Variants in APC2 observed in about 807,000 individuals in gnomAD.
The protein encoded by APC2 is APC regulator of Wnt signaling pathway 2.
A neutral mutation model predicts 72.5 loss-of-function variants in APC2; 41 were observed. The observed-to-expected ratio is 0.57, with a 90% CI of 0.44 to 0.73. APC2 has a LOEUF of 0.73. Among genes scored for constraint, APC2 ranks in the 30% least tolerant of loss-of-function variants. The pLI, the probability that APC2 is intolerant of heterozygous loss-of-function variation, is 0.00. For missense variants in APC2, 3,729 were observed against 3,403.4 expected (o/e 1.10, Z -2.38); for synonymous variants, 1,898 against 1,612.0 (o/e 1.18, Z -4.25).
chr19:1,459,281 T>A lies in APC2; in HGVS notation c.1304-900T>A, dbSNP rs185248990. Reference sequence around the variant, plus strand: ...GTGCAGTGGCGCCATCTCGGCTCACTGCAACCTCTGCCTCCCGGGTTTAAG... The same window carrying A: ...GTGCAGTGGCGCCATCTCGGCTCACAGCAACCTCTGCCTCCCGGGTTTAAG... On this transcript the variant is annotated intron_variant, in intron 10 of 14. Coordinates refer to ENST00000590469, the MANE Select transcript of APC2 (RefSeq NM_005883.3). 1.0e-3 allele frequency among the ~76,000 whole-genome samples: 154 copies of A among 152,060 alleles called. 1 individual carries two copies. Among genetic ancestry groups the A allele is most frequent in the Non-Finnish European group, 1.8e-3 (123 of 67,978 alleles).
chr19:1,460,861 C>T lies in APC2; in HGVS notation c.1521+4C>T. The T allele has an allele frequency of 1.2e-6, 2 of 1,613,224 alleles. No individual in the cohort carries two copies. Among genetic ancestry groups the T allele is most frequent in the Non-Finnish European group, 1.7e-6 (2 of 1,179,942 alleles). The stretch of plus-strand genomic sequence containing the variant: ...CGACAGTGAGGAGCTCCACCAGGTA[C>T]AGGGCGGGGTGCTGGGAAAGCCTTC... On this transcript the variant is annotated splice_donor_region_variant and intron_variant, in intron 12 of 14. Coordinates refer to ENST00000590469, the MANE Select transcript of APC2 (RefSeq NM_005883.3).
chr19:1,465,844 C>T lies in APC2; in HGVS notation c.2543C>T (p.Ala848Val). Residue 848 changes from alanine to valine, a missense_variant, in exon 15 of 15, where the codon GCG becomes GTG. Coordinates refer to ENST00000590469, the MANE Select transcript of APC2 (RefSeq NM_005883.3). ...AVAAKAKAKL[A>V]LAVARIDQLV... ...GCGGCCAAGGCCAAGGCCAAGCTGG[C>T]GCTTGCAGTGGCGCGCATCGACCAG... The T allele has an allele frequency of 2.5e-6, 4 of 1,574,444 alleles. No individual in the cohort carries two copies. Among genetic ancestry groups the T allele is most frequent in the South Asian group, 1.1e-5 (1 of 87,168 alleles).
intron 9 of APC2, chr19:1,457,670 T>C: frequency 3.8e-6 from 2 of 524,374 alleles, no homozygotes; most frequent in Non-Finnish European, 3.4e-6. Flanking sequence ...TGCACTCCAG[T>C]CTGGACAACA....
Position 1,467,649 on chromosome 19 carries a change from C to A in APC2, c.4348C>A (p.Arg1450Ser), listed in dbSNP as rs753218338. Residue 1450 changes from arginine (R) to serine (S), a missense_variant, in exon 15 of 15, where the codon CGC (arginine) becomes AGC (serine). Transcript: ENST00000590469. ...GHRHKAGGAG[R>S]SAEQSRGAGK... ...CCGGCACAAGGCGGGAGGCGCCGGCCGCAGCGCGGAGCAGTCTCGGGGCGC... is the reference window on the plus strand; with the variant it reads ...CCGGCACAAGGCGGGAGGCGCCGGCAGCAGCGCGGAGCAGTCTCGGGGCGC... 2 of 1,479,988 alleles carry A rather than the reference C, an allele frequency of 1.4e-6. No homozygotes were observed. Among genetic ancestry groups the A allele is most frequent in the South Asian group, 1.3e-5 (1 of 76,566 alleles). The allele number at this position is 1,479,988 out of a possible 1,614,324, so 91.7% of individuals were successfully genotyped here. A position where few individuals can be genotyped will look rare whatever the true frequency, so the allele number is the denominator to read the frequency against.
intron 14 of APC2, among the ~76,000 whole-genome samples, chr19:1,462,888 A>G (rs1027417945): frequency 1.0e-4 from 15 of 146,860 alleles, no homozygotes; most frequent in Non-Finnish European, 1.7e-4. Flanking sequence ...GGAGAATGGC[A>G]TGAACCCGGG....
Position 1,470,055 on chromosome 19 carries a change from G to T in APC2, c.6754G>T (p.Ala2252Ser). 6.3e-7 allele frequency: 1 copy of T among 1,581,952 alleles called. No individual in the cohort carries two copies. Among genetic ancestry groups the T allele is most frequent in the East Asian group, 2.3e-5 (1 of 43,006 alleles). ...CTTCGTGCACGAGGGCCTGGGGGTCGCCGTGGGGGGCTTCCCCGCCAGCCG... is the reference window on the plus strand; with the variant it reads ...CTTCGTGCACGAGGGCCTGGGGGTCTCCGTGGGGGGCTTCCCCGCCAGCCG... ...APFVHEGLGV[A>S]VGGFPASRHG... The change falls in exon 15 of 15, where the codon GCC (alanine) becomes TCC (serine). Residue 2252 changes from alanine to serine, a missense_variant. Transcript: ENST00000590469.
chr19:1,452,801 C>T lies in APC2; in HGVS notation c.-18-183C>T, dbSNP rs920227109. ...TCACTCCACCTGCCCCTCTGCGCCC[C>T]GGATTGCCTGGCCACCACCACGTGG... On this transcript the variant is annotated intron_variant, in intron 1 of 14. Coordinates refer to ENST00000590469, the MANE Select transcript of APC2 (RefSeq NM_005883.3). This position sits in a 1 kb window ranked among gnomAD's most constrained non-coding sequence, Gnocchi z 5.1. 1.2e-5 allele frequency: 8 copies of T among 693,730 alleles called. No homozygotes were observed. The highest frequency in any genetic ancestry group is 2.8e-5 in the East Asian group (1 of 35,756). The allele number at this position is 693,730 out of a possible 1,614,324, so 43.0% of individuals were successfully genotyped here.
intron 8 of APC2, 96 bp from the exon 9 acceptor site, chr19:1,456,757 C>T (rs1351541675): frequency 6.2e-6 from 9 of 1,441,064 alleles, no homozygotes; most frequent in East Asian, 2.5e-5. Context: ...TGGGGCTGCC[C>T]TTGGGGACGG....
intron 6 of APC2, 101 bp downstream of exon 6, chr19:1,455,601 A>G: frequency 8.6e-7 from 1 of 1,158,304 alleles, no homozygotes; most frequent in East Asian, 2.6e-5. Flanking sequence ...TAATGGGAGG[A>G]GTCTTATGCC....
Position 1,450,289 on chromosome 19 carries a change from G to T in APC2, c.-68G>T. ...TGGGGCCCGCGGAGCCGCGCAGAGG[G>T]AGGAGGCCCCAGACCCAGGCGCCCC... On this transcript the variant is annotated 5_prime_UTR_variant, in exon 1 of 15. Coordinates refer to ENST00000590469, the MANE Select transcript of APC2 (RefSeq NM_005883.3). The T allele has an allele frequency of 3.0e-6, 3 of 985,480 alleles. No homozygotes were observed. The highest frequency in any genetic ancestry group is 3.6e-6 in the Non-Finnish European group (3 of 829,962). 61.0% of individuals were successfully genotyped at this position (985,480 alleles called of 1,614,324 possible).
chr19:1,464,658 G>T (rs1464651537), intron 14 of APC2, among the ~76,000 whole-genome samples: 3 of 135,816 alleles, frequency 2.2e-5, no homozygotes, highest in African/African-American at 9.5e-5. Context: ...TTTTGAGATG[G>T]ATTCTTGGTC....
chr19:1,465,131 G>C (rs2083985642), intron 14 of APC2, 24 bp from the exon 15 acceptor site: 1 of 1,581,794 alleles, frequency 6.3e-7, no homozygotes, highest in East Asian at 2.3e-5. Context: ...GGGTGGCCCA[G>C]GCTAACCCGC....
In APC2 at chr19:1,467,672, C is replaced by T; in HGVS notation, c.4371C>T (p.Gly1457=). The change falls in exon 15 of 15, where the codon GGC becomes GGT. Residue 1457 remains glycine (G), a synonymous_variant. Coordinates refer to ENST00000590469, the MANE Select transcript of APC2 (RefSeq NM_005883.3). ...GAGRSAEQSR[G]AGKNRAGLEL... ...GCCGCAGCGCGGAGCAGTCTCGGGG[C>T]GCGGGCAAGAACAGAGCAGGGCTGG... The T allele has an allele frequency of 2.0e-6, 3 of 1,479,212 alleles. No individual in the cohort carries two copies. Among genetic ancestry groups the T allele is most frequent in the Admixed American group, 2.3e-5 (1 of 43,638 alleles). The allele number at this position is 1,479,212 out of a possible 1,614,324, so 91.6% of individuals were successfully genotyped here. A position where few individuals can be genotyped will look rare whatever the true frequency, so the allele number is the denominator to read the frequency against.
chr19:1,453,406 C>G (rs780450001), intron 3 of APC2, 25 bp from the exon 4 acceptor site: 1 of 1,608,072 alleles, frequency 6.2e-7, no homozygotes, highest in Non-Finnish European at 8.5e-7. Flanking sequence ...GGCCGCTGAC[C>G]TCCGCCCTGT....
upstream of APC2, among the ~76,000 whole-genome samples, chr19:1,447,090 C>T (rs963041312): frequency 6.6e-6 from 1 of 152,204 alleles, no homozygotes; most frequent in Admixed American, 6.5e-5. Context: ...CCCATAGCGG[C>T]GGTCAGGCTT....
chr19:1,452,983 G>A lies in APC2; in HGVS notation c.-18-1G>A. The A allele has an allele frequency of 6.2e-7, 1 of 1,610,598 alleles. No homozygotes were observed. Among genetic ancestry groups the A allele is most frequent in the Non-Finnish European group, 8.5e-7 (1 of 1,179,728 alleles). ...TGAACCCTCTGACCCTGTGATCCCAGACGCTGCAGGAGCTGAAGATGGCGA... is the reference window on the plus strand; with the variant it reads ...TGAACCCTCTGACCCTGTGATCCCAAACGCTGCAGGAGCTGAAGATGGCGA... On this transcript the variant is annotated splice_acceptor_variant, in intron 1 of 14. Coordinates refer to ENST00000590469, the MANE Select transcript of APC2 (RefSeq NM_005883.3). LOFTEE classifies it low-confidence loss of function (5UTR_SPLICE). The surrounding 1 kb of genome is among the most constrained non-coding windows in gnomAD (Gnocchi z 5.1).
In APC2 at chr19:1,468,394, C is replaced by A; in HGVS notation, c.5093C>A (p.Thr1698Lys). Reference protein sequence around the residue: ...AIQEGANSIVTWLHQAAAATR... With the variant: ...AIQEGANSIVKWLHQAAAATR... ...CAGGAGGGCGCCAATTCAATTGTCA[C>A]GTGGCTGCACCAGGCAGCAGCTGCC... The change falls in exon 15 of 15, where the codon ACG becomes AAG. Residue 1698 changes from threonine (T) to lysine (K), a missense_variant. Thr to Lys is a moderately conservative substitution (Grantham distance 78, BLOSUM62 -1). Coordinates refer to ENST00000590469, the MANE Select transcript of APC2 (RefSeq NM_005883.3). 1.3e-6 allele frequency: 2 copies of A among 1,583,482 alleles called. No individual in the cohort carries two copies. The highest frequency in any genetic ancestry group is 1.7e-6 in the Non-Finnish European group (2 of 1,163,756).
chr19:1,452,504 C>T lies in APC2; in HGVS notation c.-18-480C>T, dbSNP rs987254857. The T allele has an allele frequency of 6.0e-6, 1 of 166,172 alleles. No homozygotes were observed. The highest frequency in any genetic ancestry group is 2.4e-5 in the African/African-American group (1 of 41,608). The allele number at this position is 166,172 out of a possible 1,614,324, so 10.3% of individuals were successfully genotyped here. ...CTGTCCGCCCCGCGTGTCTGGCTGTCAGCCTCTGGGCAGGCTTGCTTTTAT... is the reference window on the plus strand; with the variant it reads ...CTGTCCGCCCCGCGTGTCTGGCTGTTAGCCTCTGGGCAGGCTTGCTTTTAT... On this transcript the variant is annotated intron_variant, in intron 1 of 14. Coordinates refer to ENST00000590469, the MANE Select transcript of APC2 (RefSeq NM_005883.3). The surrounding 1 kb of genome is among the most constrained non-coding windows in gnomAD (Gnocchi z 5.1).
Position 1,455,218 on chromosome 19 carries a change from C to A in APC2, c.483C>A (p.Gly161=). 6.3e-7 allele frequency: 1 copy of A among 1,583,062 alleles called. No individual in the cohort carries two copies. Among genetic ancestry groups the A allele is most frequent in the African/African-American group, 1.4e-5 (1 of 72,422 alleles). The change falls in exon 5 of 15, where the codon GGC becomes GGA. Residue 161 remains glycine (G), a synonymous_variant. Coordinates refer to ENST00000590469, the MANE Select transcript of APC2 (RefSeq NM_005883.3). ...TCTGGTACTACTCTCAGCTGCAGGG[C>A]CTGTCCAAGCGCCTGGACGAGCTGC... ...EKLWYYSQLQ[G]LSKRLDELPH... is the part of the protein sequence containing the mutation.
Sources: allele counts gnomAD v4.1 joint callset (sites outside exome capture counted in the v4.1 genomes callset), GRCh38; gene constraint gnomAD v4.1.1; non-coding constraint Gnocchi (gnomAD v3.1); transcripts MANE v1.5; gene names NCBI Gene and HGNC (gene_info 2026-07-23, HGNC 2026-07-21).